Variants in UBAP2 observed in about 807,000 individuals in gnomAD.
UBAP2 encodes ubiquitin-associated protein 2.
UBAP2 carries 75 observed loss-of-function variants against 139.6 expected under a neutral mutation model. The observed-to-expected ratio is 0.54, with a 90% CI of 0.45 to 0.65. The LOEUF is 0.65. Among genes scored for constraint, UBAP2 ranks in the 30% least tolerant of loss-of-function variants. The pLI is 0.00. For missense variants in UBAP2, 1,368 were observed against 1,369.6 expected (o/e 1.00, Z 0.02); for synonymous variants, 526 against 526.2 (o/e 1.00, Z 0.01).
intron 1 of UBAP2, among the ~76,000 whole-genome samples, chr9:34,046,795 T>C (rs1036780554): frequency 1.4e-4 from 21 of 151,824 alleles, no homozygotes; most frequent in African/African-American, 5.1e-4. Context: ...CATATTGAAA[T>C]AAACCTATTA....
chr9:33,991,203 T>C (rs1239906577), intron 4 of UBAP2, among the ~76,000 whole-genome samples: 1 of 152,014 alleles, frequency 6.6e-6, no homozygotes, highest in Non-Finnish European at 1.5e-5. Context: ...GGAGAATCAA[T>C]TGAACCTAGA....
At chr9:34,024,256 C>T (rs1002755646) in intron 1 of UBAP2, among the ~76,000 whole-genome samples, 1 of 151,714 alleles carries the variant, frequency 6.6e-6, no homozygotes. Context: ...GCAGGAGAAT[C>T]GCTTGAACCC....
chr9:34,035,722 A>C (rs1266639546), intron 1 of UBAP2, among the ~76,000 whole-genome samples: 5 of 151,196 alleles, frequency 3.3e-5, no homozygotes, highest in African/African-American at 9.7e-5. Flanking sequence ...CTATCAACAA[A>C]AACTGTCAAC....
At chr9:33,983,025 A>AT (rs1043239836) in intron 6 of UBAP2, among the ~76,000 whole-genome samples, 2 of 151,960 alleles carry the variant, frequency 1.3e-5, no homozygotes, top group Non-Finnish European at 2.9e-5. Flanking sequence ...CTACAGGCAC[A>AT]TGCCACCATA....
Position 34,029,856 on chromosome 9 carries a change from G to A in UBAP2, c.-41-12667C>T, listed in dbSNP as rs981523875. On this transcript the variant is annotated intron_variant, in intron 1 of 28. Transcript: ENST00000379238. ...TACAAAAATTAGGCCGCTGTGGTGG[G>A]GGCACCTGTAATCCCAGCTACTCGG... Among the ~76,000 whole-genome samples, 8 of 151,242 alleles carry A rather than the reference G, an allele frequency of 5.3e-5. No individual in the cohort carries two copies. In the Admixed American group the frequency reaches 5.3e-4, roughly 10 times the overall value.
intron 6 of UBAP2, among the ~76,000 whole-genome samples, chr9:33,983,074 T>G (rs1283129507): frequency 6.6e-6 from 1 of 151,980 alleles, no homozygotes; most frequent in Admixed American, 6.6e-5. Context: ...GAGACAGGGT[T>G]TCACTATGAT....
intron 14 of UBAP2, 80 bp downstream of exon 14, chr9:33,944,284 TC>T: frequency 6.4e-7 from 1 of 1,552,552 alleles, no homozygotes; most frequent in Non-Finnish European, 8.7e-7. Context: ...TACCCCAGTT[TC>T]CAAAACTTAG....
intron 8 of UBAP2, among the ~76,000 whole-genome samples, chr9:33,965,988 T>TGA (rs1827419253): frequency 6.6e-6 from 1 of 151,788 alleles, no homozygotes; most frequent in Non-Finnish European, 1.5e-5. Flanking sequence ...AGGCAGAGCC[T>TGA]GCAGTGAGCA....
At chr9:33,928,980 G>C (rs1587506813) in intron 19 of UBAP2, 1 of 152,530 alleles carries the variant, frequency 6.6e-6, no homozygotes, top group East Asian at 1.9e-4. Flanking sequence ...ATCCAGAACA[G>C]ATTCACCAAG....
At chr9:33,973,536 A>G (rs116934553) in intron 6 of UBAP2, among the ~76,000 whole-genome samples, 1 of 152,344 alleles carries the variant, frequency 6.6e-6, no homozygotes, top group Non-Finnish European at 1.5e-5. Flanking sequence ...AATCAGAAAG[A>G]GCTAACACCA....
intron 17 of UBAP2, chr9:33,935,313 T>C (rs1010914984): frequency 6.5e-6 from 1 of 152,674 alleles, no homozygotes; most frequent in Non-Finnish European, 1.5e-5. Context: ...TTTCTTTCTT[T>C]TTTTTTTTTC....
intron 16 of UBAP2, among the ~76,000 whole-genome samples, chr9:33,938,321 G>T (rs1037018333): frequency 6.6e-6 from 1 of 151,994 alleles, no homozygotes; most frequent in Non-Finnish European, 1.5e-5. Flanking sequence ...TAGAGACAGA[G>T]TTTTTTGTCA....
At chr9:33,954,053 T>C (rs1457715954) in intron 11 of UBAP2, among the ~76,000 whole-genome samples, 1 of 151,998 alleles carries the variant, frequency 6.6e-6, no homozygotes, top group Non-Finnish European at 1.5e-5. Context: ...ATTACAGGCG[T>C]GTGCCACCAT....
Position 34,046,031 on chromosome 9 carries a change from CGCTCCATTTACTCAAAATAACAACTAAGA to C in UBAP2, c.-42+2765_-42+2793del, listed in dbSNP as rs1305112788. 5.9e-5 allele frequency among the ~76,000 whole-genome samples: 9 copies of C among 152,218 alleles called. No homozygotes were observed. The East Asian group carries it at 9.6e-4, about 16-fold the overall frequency. ...TACCATAACACTTAGCTTTTAAGAACGCTCCATTTACTCAAAATAACAACTAAGAGCTCCATTTACTCAAAATAACAACT... is the reference window on the plus strand; with the variant it reads ...TACCATAACACTTAGCTTTTAAGAACGCTCCATTTACTCAAAATAACAACT... On this transcript the variant is annotated intron_variant, in intron 1 of 28. Coordinates refer to ENST00000379238, the MANE Select transcript of UBAP2 (RefSeq NM_001370062.2).
At chr9:33,948,906 T>C (rs1342687430) in intron 12 of UBAP2, 1 of 236,580 alleles carries the variant, frequency 4.2e-6, no homozygotes, top group Non-Finnish European at 8.5e-6. Context: ...TCCCAACACT[T>C]TGGGAGGCCA....
chr9:34,027,470 A>G (rs899520669), intron 1 of UBAP2, among the ~76,000 whole-genome samples: 23 of 152,124 alleles, frequency 1.5e-4, no homozygotes, highest in African/African-American at 5.3e-4. Flanking sequence ...TAACTCCAAC[A>G]GTCTGGGAGG....
chr9:33,932,443 C>A, intron 19 of UBAP2, 119 bp downstream of exon 19: 2 of 1,176,876 alleles, frequency 1.7e-6, no homozygotes, highest in South Asian at 1.5e-5. Context: ...CAAGACATTT[C>A]AGCCAAGCAA....
intron 22 of UBAP2, 106 bp downstream of exon 22, chr9:33,926,511 G>A (rs549416583): frequency 1.5e-6 from 2 of 1,301,104 alleles, no homozygotes; most frequent in East Asian, 2.3e-5. Context: ...AGGTTCCTCA[G>A]GCAGAGGATC....
chr9:33,973,160 A>G (rs750802070), intron 7 of UBAP2, 23 bp downstream of exon 7: 1 of 1,610,506 alleles, frequency 6.2e-7, no homozygotes, highest in Non-Finnish European at 8.5e-7. Context: ...AATAATTATA[A>G]AAATAGGATG....
Sources: gnomAD v4.1 joint callset for allele counts (sites outside exome capture counted in the v4.1 genomes callset) on GRCh38, gnomAD v4.1.1 for gene constraint, MANE v1.5 for transcripts, NCBI Gene and HGNC (gene_info 2026-07-23, HGNC 2026-07-21) for gene names.